The following AMD1 variants were observed in gnomAD, a reference collection of about 807,000 sequenced individuals.
AMD1 encodes adenosylmethionine decarboxylase 1.
AMD1 carries 11 observed loss-of-function variants against 40.2 expected under a neutral mutation model. The ratio of observed to expected loss-of-function variants is 0.27; its 90% CI spans 0.17 to 0.45. The LOEUF (loss-of-function observed/expected upper bound fraction) is 0.45. Among genes scored for constraint, AMD1 ranks in the 20% least tolerant of loss-of-function variants. AMD1 has a pLI of 1.00. For missense variants in AMD1, 257 were observed against 410.2 expected (o/e 0.63, Z 3.23); for synonymous variants, 121 against 130.8 (o/e 0.93, Z 0.51).
intron 1 of AMD1, among the ~76,000 whole-genome samples, chr6:110,879,552 C>T (rs1007274): frequency 0.23 from 34,788 of 152,006 alleles, 4,061 homozygotes; most frequent in African/African-American, 0.27. Context: ...AATTCACTGC[C>T]GCAGGAAGGC....
chr6:110,836,630 A>G, the AMD1 span, among the ~76,000 whole-genome samples: 1 of 111,578 alleles, frequency 9.0e-6, no homozygotes, highest in East Asian at 4.2e-4. Flanking sequence ...AATAAAACAT[A>G]AGTAAGACAC....
chr6:110,880,997 CA>C (rs1299172136), intron 1 of AMD1, among the ~76,000 whole-genome samples: 3 of 152,138 alleles, frequency 2.0e-5, no homozygotes, highest in Non-Finnish European at 2.9e-5. Context: ...TCCCTGTAGA[CA>C]TTTCTAAATT....
chr6:110,869,184 A>G, the AMD1 span, among the ~76,000 whole-genome samples: 25 of 150,968 alleles, frequency 1.7e-4, no homozygotes, highest in East Asian at 3.0e-3. Flanking sequence ...AGGCTGGAGT[A>G]CAGTGGCGCT....
upstream of AMD1, among the ~76,000 whole-genome samples, chr6:110,874,458 A>T (rs1784985385): frequency 6.8e-6 from 1 of 147,500 alleles, no homozygotes; most frequent in African/African-American, 2.5e-5. Context: ...TCTGCTAATC[A>T]TTTTTTTTTT....
At chr6:110,875,310 T>C in intron 1 of AMD1, 95 bp downstream of exon 1, 1 of 1,037,092 alleles carries the variant, frequency 9.6e-7, no homozygotes, top group South Asian at 1.4e-5. Flanking sequence ...CCCTCAGCTT[T>C]CAGTTGGGGG....
the AMD1 span, among the ~76,000 whole-genome samples, chr6:110,845,136 T>A: frequency 6.3e-3 from 808 of 129,032 alleles, 4 homozygotes; most frequent in South Asian, 0.021. Context: ...GCCTCCCAGG[T>A]TCAAGAGATC....
rs145303565 is a variant in AMD1, at chr6:110,886,111, C to T, written c.111-1394C>T. Among the ~76,000 whole-genome samples the T allele has an allele frequency of 2.0e-5, 3 of 151,578 alleles. 1 individual carries two copies. In the East Asian group the frequency reaches 5.9e-4, roughly 30 times the overall value. Reference sequence around the variant, plus strand: ...CGCCACTAAAAATACAAAAATTAGCCAGGTGTGGTGGCACGTGCCTGTAAT... The same window carrying T: ...CGCCACTAAAAATACAAAAATTAGCTAGGTGTGGTGGCACGTGCCTGTAAT... On this transcript the variant is annotated intron_variant, in intron 1 of 8. Coordinates refer to ENST00000368885, the MANE Select transcript of AMD1 (RefSeq NM_001634.6).
chr6:110,841,861 G>A, the AMD1 span, among the ~76,000 whole-genome samples: 7 of 151,918 alleles, frequency 4.6e-5, no homozygotes, highest in Non-Finnish European at 8.8e-5. Context: ...GGAGTGCAGT[G>A]GCATGATCTC....
the AMD1 span, among the ~76,000 whole-genome samples, chr6:110,819,613 C>T: frequency 2.0e-5 from 3 of 152,074 alleles, no homozygotes; most frequent in Non-Finnish European, 4.4e-5. Context: ...TTGGTTGGGG[C>T]ATGTCGAATT....
At position 110,875,234 on chromosome 6, in the gene AMD1, C is replaced by G; in HGVS notation, c.110+19C>G. ...TCCCAAGGTGGGTCCCCGGGGCGCT[C>G]GCTGACATCCGGGCCTGGGGGCTGT... On this transcript the variant is annotated intron_variant, in intron 1 of 8. Coordinates refer to ENST00000368885, the MANE Select transcript of AMD1 (RefSeq NM_001634.6). The G allele has an allele frequency of 6.4e-7, 1 of 1,572,088 alleles. No homozygotes were observed. The highest frequency in any genetic ancestry group is 8.7e-7 in the Non-Finnish European group (1 of 1,155,828).
At chr6:110,817,787 A>T in the AMD1 span, among the ~76,000 whole-genome samples, 1 of 152,218 alleles carries the variant, frequency 6.6e-6, no homozygotes, top group Admixed American at 6.5e-5. Flanking sequence ...GCACTGGTAG[A>T]ATAGGCGGGG....
At chr6:110,860,733 G>A in the AMD1 span, among the ~76,000 whole-genome samples, 2 of 151,884 alleles carry the variant, frequency 1.3e-5, no homozygotes, top group Non-Finnish European at 2.9e-5. Flanking sequence ...ACGGGAGGTG[G>A]AGGTTGCAGT....
chr6:110,845,410 G>C, the AMD1 span, among the ~76,000 whole-genome samples: 123 of 152,120 alleles, frequency 8.1e-4, 1 homozygote, highest in Non-Finnish European at 1.5e-3. Context: ...ATTCATGAGA[G>C]ATCTGCTCCC....
intron 4 of AMD1, chr6:110,890,651 A>G: frequency 1.0e-5 from 2 of 196,802 alleles, no homozygotes; most frequent in Non-Finnish European, 2.0e-5. Context: ...CCACCTGGCT[A>G]ATTTTTTTTT....
chr6:110,861,873 A>G, the AMD1 span, among the ~76,000 whole-genome samples: 35 of 152,202 alleles, frequency 2.3e-4, no homozygotes, highest in Admixed American at 2.2e-3. Context: ...GATTAAATAA[A>G]ACAAAATGAA....
chr6:110,816,144 G>T, the AMD1 span, among the ~76,000 whole-genome samples: 1 of 152,168 alleles, frequency 6.6e-6, no homozygotes, highest in Non-Finnish European at 1.5e-5. Context: ...CAACTTCTGA[G>T]CCCCAGCAGC....
intron 6 of AMD1, 31 bp from the exon 7 acceptor site, chr6:110,892,693 TTTGTCAAACCC>T: frequency 6.3e-7 from 1 of 1,593,384 alleles, no homozygotes; most frequent in Non-Finnish European, 8.6e-7. Flanking sequence ...TTGAAGTTTA[TTTGTCAAACCC>T]TTGTTAAACT....
At chr6:110,862,156 G>T in the AMD1 span, among the ~76,000 whole-genome samples, 1 of 151,052 alleles carries the variant, frequency 6.6e-6, no homozygotes, top group Non-Finnish European at 1.5e-5. Flanking sequence ...CTACAGGCAG[G>T]TGCCACCATA....
the AMD1 span, among the ~76,000 whole-genome samples, chr6:110,863,294 T>C: frequency 6.6e-6 from 1 of 151,016 alleles, no homozygotes; most frequent in Non-Finnish European, 1.5e-5. Flanking sequence ...TAGATACATG[T>C]CTTTTACTTA....
Sources: allele counts gnomAD v4.1 joint callset (sites outside exome capture counted in the v4.1 genomes callset), GRCh38; gene constraint gnomAD v4.1.1; transcripts MANE v1.5; gene names NCBI Gene and HGNC (gene_info 2026-07-23, HGNC 2026-07-21).